The following CELSR1 variants were observed in gnomAD, a reference collection of about 807,000 sequenced individuals.
CELSR1 encodes adhesion G protein-coupled receptor C1.
Under a neutral mutation model 249.1 loss-of-function variants are expected in CELSR1, and 110 were observed. The ratio of observed to expected loss-of-function variants is 0.44; its 90% CI spans 0.38 to 0.52. The LOEUF (loss-of-function observed/expected upper bound fraction) is 0.52, where lower values mean the gene tolerates loss of function less well. Ranked by LOEUF, CELSR1 falls within the 20% of genes least tolerant of loss-of-function variation. The pLI is 0.00. For synonymous variants in CELSR1, 2,113 were observed against 1,900.0 expected, an observed-to-expected ratio of 1.11 and a Z score of -2.92; for missense variants, 4,109 against 4,296.4, an observed-to-expected ratio of 0.96 and a Z score of 1.22.
Position 46,518,348 on chromosome 22 carries a change from C to G in CELSR1, c.3544+15279G>C, listed in dbSNP as rs2080649895. 6.6e-6 allele frequency among the ~76,000 whole-genome samples: 1 copy of G among 152,262 alleles called. No individual in the cohort carries two copies. The highest frequency in any genetic ancestry group is 6.5e-5 in the Admixed American group (1 of 15,290). ...AGGGGCGCTCAGCCCGTGCCACACT[C>G]AGTCTCGTTAGAGGAGAACGAAGGG... On this transcript the variant is annotated intron_variant, in intron 1 of 34. Transcript: ENST00000674500. The surrounding 1 kb of genome is among the most constrained non-coding windows in gnomAD (Gnocchi z 5.2).
chr22:46,366,859 C>A, intron 29 of CELSR1, 134 bp downstream of exon 29: 1 of 1,292,088 alleles, frequency 7.7e-7, no homozygotes, highest in Non-Finnish European at 1.0e-6. Context: ...ACACCGTGCA[C>A]CGCGGGCGGC....
In CELSR1 at chr22:46,470,739, T is replaced by G. The variant is rs147525946; in HGVS notation, c.3545-6394A>C. Among the ~76,000 whole-genome samples the G allele has an allele frequency of 4.7e-3, 718 of 152,274 alleles. 3 individuals are homozygous for G. The highest frequency in any genetic ancestry group is 0.027 in the Middle Eastern group (8 of 294). ...TGGGAATGCTGAGCCAAGCACAGCC[T>G]ATCCCCACAACGGAATATGACGCAG... On this transcript the variant is annotated intron_variant, in intron 1 of 34. Coordinates refer to ENST00000674500, the MANE Select transcript of CELSR1 (RefSeq NM_001378328.1).
At chr22:46,414,996 G>A (rs187500674) in intron 5 of CELSR1, among the ~76,000 whole-genome samples, 5 of 152,146 alleles carry the variant, frequency 3.3e-5, no homozygotes, top group South Asian at 2.1e-4. Flanking sequence ...AACACATCGC[G>A]CTCAGTGAAA....
chr22:46,386,620 C>CGGAG (rs2079037089), intron 18 of CELSR1, 35 bp from the exon 19 acceptor site: 2 of 1,514,048 alleles, frequency 1.3e-6, no homozygotes, highest in South Asian at 2.5e-5. Flanking sequence ...ACTCAGCCTG[C>CGGAG]GGAGGCCTGG....
rs1169413751 is a variant in CELSR1, at chr22:46,535,870, C to T, written c.1301G>A (p.Arg434His). 8.1e-6 allele frequency: 13 copies of T among 1,610,034 alleles called. No individual in the cohort carries two copies. The highest frequency in any genetic ancestry group is 1.1e-5 in the Non-Finnish European group (13 of 1,179,484). ...CGTGGCACTGAGCGGGCCCGGATTGCGCCCCTGGTCGTTGGCCTCCACCAG... is the reference window on the plus strand; with the variant it reads ...CGTGGCACTGAGCGGGCCCGGATTGTGCCCCTGGTCGTTGGCCTCCACCAG... ...QLLVEANDQG[R>H]NPGPLSATAT... The change falls in exon 1 of 35, where the codon CGC becomes CAC. Residue 434 changes from arginine (R) to histidine (H), a missense_variant. Arg to His is a conservative substitution (Grantham distance 29). Coordinates refer to ENST00000674500, the MANE Select transcript of CELSR1 (RefSeq NM_001378328.1).
At chr22:46,367,218 A>G in intron 28 of CELSR1, 100 bp from the exon 29 acceptor site, 1 of 1,449,232 alleles carries the variant, frequency 6.9e-7, no homozygotes, top group Non-Finnish European at 9.2e-7. Flanking sequence ...GAGTGCACAC[A>G]ACATGTCCGG....
chr22:46,444,984 T>A (rs1412465020), intron 2 of CELSR1, among the ~76,000 whole-genome samples: 1 of 152,090 alleles, frequency 6.6e-6, no homozygotes, highest in Non-Finnish European at 1.5e-5. Flanking sequence ...GGTGGGTGGA[T>A]CACCTGAGAT....
intron 33 of CELSR1, 34 bp from the exon 34 acceptor site, chr22:46,364,285 G>A (rs1367051173): frequency 6.3e-7 from 1 of 1,597,658 alleles, no homozygotes; most frequent in East Asian, 2.2e-5. Flanking sequence ...GTCAAGTCCG[G>A]GTGATGCTGC....
chr22:46,428,703 C>T lies in CELSR1; in HGVS notation c.4611+4690G>A, dbSNP rs972157588. The stretch of plus-strand genomic sequence containing the variant: ...GCAGTGCCCAGGTGGGAAATCCTGA[C>T]GCGGCTGCTCACCGCCTCCCACATC... On this transcript the variant is annotated intron_variant, in intron 5 of 34. Coordinates refer to ENST00000674500, the MANE Select transcript of CELSR1 (RefSeq NM_001378328.1). The surrounding 1 kb of genome is among the most constrained non-coding windows in gnomAD (Gnocchi z 5.7). Among the ~76,000 whole-genome samples, 4 of 152,212 alleles carry T rather than the reference C, an allele frequency of 2.6e-5. No homozygotes were observed. The highest frequency in any genetic ancestry group is 4.4e-5 in the Non-Finnish European group (3 of 68,038).
chr22:46,439,406 G>A lies in CELSR1; in HGVS notation c.4189C>T (p.His1397Tyr). 1 of 1,611,890 alleles carries A rather than the reference G, an allele frequency of 6.2e-7. No homozygotes were observed. Among genetic ancestry groups the A allele is most frequent in the Non-Finnish European group, 8.5e-7 (1 of 1,179,592 alleles). The change falls in exon 3 of 35, where the codon CAC becomes TAC. Residue 1397 changes from histidine (H) to tyrosine (Y), a missense_variant. His to Tyr is a moderately conservative substitution (Grantham distance 83). Coordinates refer to ENST00000674500, the MANE Select transcript of CELSR1 (RefSeq NM_001378328.1). ...CECFEDFTGE[H>Y]CEVDARSGRC... is the part of the protein sequence containing the mutation. ...CCTGAGCGGGCATCCACCTCACAGTGCTCTCCTGGGGGGCGAGAGGAAGAT... is the reference window on the plus strand; with the variant it reads ...CCTGAGCGGGCATCCACCTCACAGTACTCTCCTGGGGGGCGAGAGGAAGAT...
Position 46,464,015 on chromosome 22 carries a change from G to C in CELSR1, c.3875C>G (p.Thr1292Ser). The change falls in exon 2 of 35, where the codon ACC (threonine) becomes AGC (serine). Residue 1292 changes from threonine to serine, a missense_variant. By Grantham distance (58) the Thr-to-Ser change is moderately conservative. Transcript: ENST00000674500. This position sits in a 1 kb window ranked among gnomAD's most constrained non-coding sequence, Gnocchi z 8.5. ...CAGCACGCGCTGCGTGGAGATGGTGGTCAGCAGCGTCCGATTCAGGTAGAT... is the reference window on the plus strand; with the variant it reads ...CAGCACGCGCTGCGTGGAGATGGTGCTCAGCAGCGTCCGATTCAGGTAGAT... ...EQIYLNRTLL[T>S]TISTQRVLPF... is the part of the protein sequence containing the mutation. 6.2e-7 allele frequency: 1 copy of C among 1,613,870 alleles called. No homozygotes were observed. The highest frequency in any genetic ancestry group is 8.5e-7 in the Non-Finnish European group (1 of 1,180,048).
intron 19 of CELSR1, among the ~76,000 whole-genome samples, 160 bp from the exon 20 acceptor site, chr22:46,384,846 G>A (rs547988931): frequency 3.7e-4 from 57 of 152,248 alleles, no homozygotes; most frequent in African/African-American, 1.0e-3. Flanking sequence ...CTGGAGTGCA[G>A]TAGCGCAATC....
rs767409479 is a variant in CELSR1 at position 46,534,138 on chromosome 22, G to A, written c.3033C>T (p.Asn1011=). ...KDELELFVEE[N]NPVGSVVAKI... ...TTGCCACCACCGACCCCACTGGGTT[G>A]TTCTCCTCAACAAACAGCTCCAGTT... is the stretch of plus-strand genomic sequence containing the variant. Residue 1011 remains asparagine, a synonymous_variant, in exon 1 of 35, where the codon AAC becomes AAT. Coordinates refer to ENST00000674500, the MANE Select transcript of CELSR1 (RefSeq NM_001378328.1). This position sits in a 1 kb window ranked among gnomAD's most constrained non-coding sequence, Gnocchi z 9.7. 31 of 1,613,720 alleles carry A rather than the reference G, an allele frequency of 1.9e-5. No individual in the cohort carries two copies. Among genetic ancestry groups the A allele is most frequent in the South Asian group, 5.5e-5 (5 of 91,094 alleles).
chr22:46,456,529 G>T (rs1036751583), intron 2 of CELSR1, among the ~76,000 whole-genome samples: 1 of 151,978 alleles, frequency 6.6e-6, no homozygotes, highest in Admixed American at 6.6e-5. Flanking sequence ...CAGGCGTGGT[G>T]GTGGGCACCT....
At position 46,395,232 on chromosome 22, in the gene CELSR1, C is replaced by T. The variant is rs1025909350; in HGVS notation, c.5844-970G>A. Among the ~76,000 whole-genome samples the T allele has an allele frequency of 3.9e-5, 6 of 152,190 alleles. No individual in the cohort carries two copies. The highest frequency in any genetic ancestry group is 8.8e-5 in the Non-Finnish European group (6 of 68,026). On this transcript the variant is annotated intron_variant, in intron 13 of 34. Coordinates refer to ENST00000674500, the MANE Select transcript of CELSR1 (RefSeq NM_001378328.1). This position sits in a 1 kb window ranked among gnomAD's most constrained non-coding sequence, Gnocchi z 5.5. ...CAGCAGTGGTGACTGTGGCGCCGGG[C>T]ATGGAGATGCTGGATCAGCCTCTTG...
chr22:46,457,072 C>T (rs555136518), intron 2 of CELSR1, among the ~76,000 whole-genome samples: 1 of 152,316 alleles, frequency 6.6e-6, no homozygotes, highest in African/African-American at 2.4e-5. Context: ...CCGAAGTCCA[C>T]GTGGCGTGGA....
chr22:46,492,345 C>T (rs2080375265), intron 1 of CELSR1, among the ~76,000 whole-genome samples: 1 of 152,242 alleles, frequency 6.6e-6, no homozygotes, highest in Non-Finnish European at 1.5e-5. Flanking sequence ...TCTATGTACA[C>T]TAACAACATG....
intron 1 of CELSR1, among the ~76,000 whole-genome samples, chr22:46,489,462 G>A (rs566797295): frequency 2.0e-5 from 3 of 151,804 alleles, no homozygotes; most frequent in Non-Finnish European, 4.4e-5. Flanking sequence ...CTCTCCTGGC[G>A]CCCCTCCTAA....
rs12170417 is a variant in CELSR1 at position 46,380,624 on chromosome 22, C to G, written c.7256+164G>C. Among the ~76,000 whole-genome samples, 4,895 of 152,288 alleles carry G rather than the reference C, an allele frequency of 0.032. 251 individuals carry two copies. The highest frequency in any genetic ancestry group is 0.11 in the African/African-American group (4,576 of 41,536). On this transcript the variant is annotated intron_variant, in intron 22 of 34. Coordinates refer to ENST00000674500, the MANE Select transcript of CELSR1 (RefSeq NM_001378328.1). This position sits in a 1 kb window ranked among gnomAD's most constrained non-coding sequence, Gnocchi z 5.1. ...CTAGGGGAGGACTCTGATATTCCCA[C>G]AGAAGCAGAGCAGGAGGCTCACTGC...
Sources: gnomAD v4.1 joint callset for allele counts (sites outside exome capture counted in the v4.1 genomes callset) on GRCh38, gnomAD v4.1.1 for gene constraint, Gnocchi (gnomAD v3.1) non-coding constraint, MANE v1.5 for transcripts, NCBI Gene and HGNC (gene_info 2026-07-23, HGNC 2026-07-21) for gene names.